WDFY4: variants seen among roughly 807,000 people sequenced by gnomAD.
The protein encoded by WDFY4 is WDFY family member 4.
Under a neutral mutation model 351.9 loss-of-function variants are expected in WDFY4, and 169 were observed. That is an observed-to-expected ratio of 0.48 (90% CI 0.42 to 0.55). The LOEUF is 0.55. Ranked by LOEUF, WDFY4 falls within the 20% of genes least tolerant of loss-of-function variation. The pLI is 0.00. For synonymous variants in WDFY4, 1,622 were observed against 1,574.6 expected (o/e 1.03, Z -0.71); for missense variants, 3,803 against 3,935.6 (o/e 0.97, Z 0.90).
At chr10:48,735,614 T>A (rs183428162) in intron 10 of WDFY4, among the ~76,000 whole-genome samples, 1 of 152,182 alleles carries the variant, frequency 6.6e-6, no homozygotes, top group East Asian at 1.9e-4. Context: ...TGGGGAGATG[T>A]TAGTCATTTT....
chr10:48,966,563 G>A lies in WDFY4; in HGVS notation c.8474G>A (p.Gly2825Glu), dbSNP rs946962560. 6.4e-7 allele frequency: 1 copy of A among 1,552,140 alleles called. No homozygotes were observed. The highest frequency in any genetic ancestry group is 8.7e-7 in the Non-Finnish European group (1 of 1,147,084). ...CCTCACCCAGCCAGGACTGCAGCAG[G>A]GAAGCCTCTGCCTGGAAAGGATGTC... is the stretch of plus-strand genomic sequence containing the variant. ...TKPHPARTAA[G>E]KPLPGKDVST... Residue 2825 changes from glycine to glutamate, a missense_variant, in exon 55 of 62, where the codon GGG (glycine) becomes GAG (glutamate). By Grantham distance (98) the Gly-to-Glu change is moderately conservative. Around this residue, in one of 3 missense-constraint regions of WDFY4, gnomAD observed 3,054 missense variants for 3,148.6 expected, o/e 0.97. Coordinates refer to ENST00000325239, the MANE Select transcript of WDFY4 (RefSeq NM_001394531.1).
At chr10:48,711,131 T>C (rs2063758318) in intron 2 of WDFY4, among the ~76,000 whole-genome samples, 3 of 152,240 alleles carry the variant, frequency 2.0e-5, no homozygotes, top group Admixed American at 6.5e-5. Flanking sequence ...CTCTAACTTA[T>C]TCATCAGAAA....
At chr10:48,756,430 T>G (rs2065339501) in intron 12 of WDFY4, among the ~76,000 whole-genome samples, 1 of 151,992 alleles carries the variant, frequency 6.6e-6, no homozygotes, top group Non-Finnish European at 1.5e-5. Flanking sequence ...CCTTGGGATT[T>G]TCTATGAAGA....
intron 35 of WDFY4, chr10:48,823,320 C>T: frequency 1.6e-6 from 2 of 1,282,542 alleles, no homozygotes; most frequent in South Asian, 1.2e-5. Context: ...TTGGAAAGAA[C>T]TTTCTGTTAT....
At chr10:48,702,718 G>A (rs1027564017) in intron 1 of WDFY4, among the ~76,000 whole-genome samples, 5 of 152,206 alleles carry the variant, frequency 3.3e-5, no homozygotes, top group African/African-American at 1.2e-4. Flanking sequence ...ATAGGTTTTT[G>A]TAGGAGCATA....
chr10:48,946,291 A>C lies in WDFY4; in HGVS notation c.7867+134A>C, dbSNP rs1841040618. ...GAATAGAGGACTCTAACCTGGTGGT[A>C]GGAAGTGCCTGGGGAGCTTCTAGAA... On this transcript the variant is annotated intron_variant, in intron 50 of 61. Transcript: ENST00000325239. The C allele has an allele frequency of 2.0e-5, 14 of 711,752 alleles. No individual in the cohort carries two copies. In the South Asian group the frequency reaches 2.5e-4, roughly 13 times the overall value. The allele number at this position is 711,752 out of a possible 1,614,324, so 44.1% of individuals were successfully genotyped here. A position where few individuals can be genotyped will look rare whatever the true frequency, so the allele number is the denominator to read the frequency against.
chr10:48,759,961 G>T (rs985816079), intron 12 of WDFY4, among the ~76,000 whole-genome samples: 1 of 152,070 alleles, frequency 6.6e-6, no homozygotes, highest in African/African-American at 2.4e-5. Flanking sequence ...CCATTTTGAA[G>T]GGACCCAGAA....
At position 48,966,547 on chromosome 10, in the gene WDFY4, G is replaced by C; in HGVS notation, c.8458G>C (p.Ala2820Pro). ...PKQLFTKPHP[A>P]RTAAGKPLPG... ...CTAGCTCTTTACCAAACCTCACCCA[G>C]CCAGGACTGCAGCAGGGAAGCCTCT... Residue 2820 changes from alanine (A) to proline (P), a missense_variant, in exon 55 of 62, where the codon GCC (alanine) becomes CCC (proline). Transcript: ENST00000325239. The C allele has an allele frequency of 2.6e-6, 4 of 1,552,108 alleles. No individual in the cohort carries two copies. The highest frequency in any genetic ancestry group is 3.5e-6 in the Non-Finnish European group (4 of 1,147,080).
intron 49 of WDFY4, among the ~76,000 whole-genome samples, 171 bp from the exon 50 acceptor site, chr10:48,945,869 G>T (rs147368689): frequency 6.6e-6 from 1 of 152,114 alleles, no homozygotes; most frequent in Non-Finnish European, 1.5e-5. Flanking sequence ...TTAAGTCTTT[G>T]TGGATCACTG....
intron 47 of WDFY4, among the ~76,000 whole-genome samples, chr10:48,928,785 G>A (rs182811018): frequency 1.2e-3 from 186 of 152,324 alleles, no homozygotes; most frequent in African/African-American, 4.3e-3. Context: ...TATCACCTGG[G>A]AAGGTGTGAA....
Position 48,957,065 on chromosome 10 carries a change from G to T in WDFY4, c.7978-64G>T. On this transcript the variant is annotated intron_variant, in intron 51 of 61. Coordinates refer to ENST00000325239, the MANE Select transcript of WDFY4 (RefSeq NM_001394531.1). ...CCCGTGCCTCTGAGGCAGAATGGAC[G>T]GTGCCTGGCCAGCAGGAGGGTGCCA... 3.3e-6 allele frequency: 5 copies of T among 1,520,284 alleles called. No individual in the cohort carries two copies. The South Asian group carries it at 4.9e-5, about 15-fold the overall frequency. The allele number at this position is 1,520,284 out of a possible 1,614,324, so 94.2% of individuals were successfully genotyped here.
intron 2 of WDFY4, among the ~76,000 whole-genome samples, chr10:48,713,343 A>C (rs188333456): frequency 1.3e-5 from 2 of 152,356 alleles, no homozygotes; most frequent in Non-Finnish European, 2.9e-5. Context: ...TTCTTCCCAG[A>C]AAAGAACTTC....
At chr10:48,952,165 C>T (rs1175122180) in intron 51 of WDFY4, among the ~76,000 whole-genome samples, 2 of 152,090 alleles carry the variant, frequency 1.3e-5, no homozygotes, top group Admixed American at 1.3e-4. Context: ...CCAGGGAAGG[C>T]GAGGAACCTG....
intron 9 of WDFY4, among the ~76,000 whole-genome samples, chr10:48,732,735 T>C (rs1477377635): frequency 6.6e-6 from 1 of 152,250 alleles, no homozygotes; most frequent in African/African-American, 2.4e-5. Flanking sequence ...CTGCTGTGCC[T>C]GGTACATAAC....
intron 39 of WDFY4, among the ~76,000 whole-genome samples, chr10:48,854,236 G>C (rs1034528390): frequency 2.6e-5 from 4 of 151,906 alleles, no homozygotes; most frequent in African/African-American, 9.7e-5. Flanking sequence ...AGTCTCCTGA[G>C]TAGCTGGGAC....
intron 47 of WDFY4, among the ~76,000 whole-genome samples, chr10:48,911,580 T>G (rs970940341): frequency 2.6e-5 from 4 of 152,232 alleles, no homozygotes; most frequent in Non-Finnish European, 4.4e-5. Context: ...CTTGCAGATG[T>G]TTTAAAGTGT....
At chr10:48,939,126 G>C (rs1840599167) in intron 47 of WDFY4, among the ~76,000 whole-genome samples, 1 of 152,184 alleles carries the variant, frequency 6.6e-6, no homozygotes, top group Non-Finnish European at 1.5e-5. Flanking sequence ...CAGGTTCCCA[G>C]GTTGCACAAT....
intron 53 of WDFY4, among the ~76,000 whole-genome samples, chr10:48,962,831 C>T (rs1201368000): frequency 6.6e-6 from 1 of 152,174 alleles, no homozygotes; most frequent in Non-Finnish European, 1.5e-5. Context: ...TGAGCATGGA[C>T]AGAATGTTCC....
rs118102414 is a variant in WDFY4, at chr10:48,696,429, G to A, written c.-18+11428G>A. ...CCCCAACACAGGCTTGGTCTTGGAG[G>A]CAGCCCTCCTGCTCGTGTCTCCACA... On this transcript the variant is annotated intron_variant, in intron 1 of 61. Transcript: ENST00000325239. Among the ~76,000 whole-genome samples the A allele has an allele frequency of 1.1e-4, 17 of 152,350 alleles. No homozygotes were observed. The East Asian group carries it at 3.1e-3, about 28-fold the overall frequency.
Sources: allele counts gnomAD v4.1 joint callset (sites outside exome capture counted in the v4.1 genomes callset), GRCh38; gene constraint gnomAD v4.1.1; regional missense constraint gnomAD v4.1.1; transcripts MANE v1.5; gene names NCBI Gene and HGNC (gene_info 2026-07-23, HGNC 2026-07-21).